Variants in ROBO2 observed in about 807,000 individuals in gnomAD.
ROBO2 encodes roundabout guidance receptor 2.
Under a neutral mutation model 160.8 loss-of-function variants are expected in ROBO2, and 53 were observed. The observed-to-expected ratio is 0.33, with a 90% CI of 0.26 to 0.41. ROBO2 has a LOEUF of 0.41. Among genes scored for constraint, ROBO2 ranks in the 10% least tolerant of loss-of-function variants. The probability of loss-of-function intolerance (pLI) is 1.00; values close to 1 mark genes in which losing one functional copy is unlikely to be tolerated. For synonymous variants in ROBO2, 664 were observed against 611.7 expected, an observed-to-expected ratio of 1.09 and a Z score of -1.26; for missense variants, 1,577 against 1,722.4, an observed-to-expected ratio of 0.92 and a Z score of 1.49.
intron 2 of ROBO2, among the ~76,000 whole-genome samples, chr3:75,944,643 G>T (rs993853754): frequency 6.6e-6 from 1 of 152,058 alleles, no homozygotes; most frequent in Non-Finnish European, 1.5e-5. Flanking sequence ...GTCTGAAAGT[G>T]TTTTCTCAAA....
intron 2 of ROBO2, among the ~76,000 whole-genome samples, chr3:76,713,286 A>G (rs1242407988): frequency 6.6e-6 from 1 of 152,216 alleles, no homozygotes; most frequent in Non-Finnish European, 1.5e-5. Flanking sequence ...GGATAATCAG[A>G]TAAAGTACTT....
chr3:76,329,379 G>A (rs1393818143), intron 2 of ROBO2, among the ~76,000 whole-genome samples: 1 of 152,126 alleles, frequency 6.6e-6, no homozygotes, highest in Non-Finnish European at 1.5e-5. Context: ...CACCACACCC[G>A]GCTAATTTTT....
At chr3:76,454,859 ATTTC>A (rs2077670484) in intron 2 of ROBO2, among the ~76,000 whole-genome samples, 1 of 152,222 alleles carries the variant, frequency 6.6e-6, no homozygotes, top group South Asian at 2.1e-4. Flanking sequence ...GCACATATTT[ATTTC>A]TTTAAGGAAT....
intron 2 of ROBO2, among the ~76,000 whole-genome samples, chr3:77,024,567 A>G (rs2062838780): frequency 6.6e-6 from 1 of 152,100 alleles, no homozygotes; most frequent in African/African-American, 2.4e-5. Context: ...AATGTTAGGG[A>G]TTTGTGGACT....
intron 14 of ROBO2, among the ~76,000 whole-genome samples, chr3:77,575,988 C>T (rs574461630): frequency 1.1e-4 from 16 of 152,048 alleles, no homozygotes; most frequent in Middle Eastern, 3.4e-3. Flanking sequence ...TGATGAGCGG[C>T]GATTTGGGTT....
rs550609063 is a variant in ROBO2, at chr3:76,983,051, C to T, written c.110-114963C>T. ...CTGTAATCACAGCACTTTGGGAGGC[C>T]GAGGCGGGCAGATCACGAGGTCAGG... is the stretch of plus-strand genomic sequence containing the variant. On this transcript the variant is annotated intron_variant, in intron 2 of 26. Transcript: ENST00000487694. Among the ~76,000 whole-genome samples, 7 of 151,854 alleles carry T rather than the reference C, an allele frequency of 4.6e-5. No homozygotes were observed. The South Asian group carries it at 6.3e-4, about 14-fold the overall frequency.
intron 2 of ROBO2, among the ~76,000 whole-genome samples, chr3:77,175,058 TA>T (rs1240232290): frequency 2.0e-5 from 3 of 152,192 alleles, no homozygotes; most frequent in African/African-American, 4.8e-5. Flanking sequence ...TTTCAATTTA[TA>T]ACTCATATTT....
At chr3:76,270,802 A>G (rs1412861854) in intron 2 of ROBO2, among the ~76,000 whole-genome samples, 5 of 152,108 alleles carry the variant, frequency 3.3e-5, no homozygotes, top group African/African-American at 1.2e-4. Context: ...AGAGAATACT[A>G]AATGTAGAGT....
chr3:76,326,245 C>T (rs887545728), intron 2 of ROBO2, among the ~76,000 whole-genome samples: 1 of 152,080 alleles, frequency 6.6e-6, no homozygotes, highest in African/African-American at 2.4e-5. Flanking sequence ...TGTAGACACA[C>T]TGGAAATAAG....
At chr3:77,152,801 C>G (rs542589280) in intron 2 of ROBO2, among the ~76,000 whole-genome samples, 1 of 152,118 alleles carries the variant, frequency 6.6e-6, no homozygotes, top group Non-Finnish European at 1.5e-5. Flanking sequence ...TATAACTCAC[C>G]CTTTTAACAT....
intron 2 of ROBO2, among the ~76,000 whole-genome samples, chr3:76,980,190 C>T (rs1206071337): frequency 6.6e-6 from 1 of 152,150 alleles, no homozygotes; most frequent in African/African-American, 2.4e-5. Flanking sequence ...ATTAAGGCTG[C>T]TGTATATAAT....
intron 2 of ROBO2, among the ~76,000 whole-genome samples, chr3:77,138,710 A>C (rs1228814971): frequency 6.6e-6 from 1 of 152,180 alleles, no homozygotes; most frequent in Non-Finnish European, 1.5e-5. Context: ...TCCTACAACT[A>C]ATAACAGATA....
intron 2 of ROBO2, among the ~76,000 whole-genome samples, chr3:76,847,635 G>A (rs183106121): frequency 4.6e-5 from 7 of 152,166 alleles, no homozygotes; most frequent in Admixed American, 4.6e-4. Flanking sequence ...ACACCCTATC[G>A]CCTTTCCCAC....
intron 2 of ROBO2, among the ~76,000 whole-genome samples, chr3:77,170,827 C>T (rs1448001384): frequency 6.6e-6 from 1 of 151,832 alleles, no homozygotes; most frequent in African/African-American, 2.4e-5. Context: ...CTGTGCTTTC[C>T]CCAAATGAAT....
intron 2 of ROBO2, among the ~76,000 whole-genome samples, chr3:76,580,328 G>GTTTTTTTTTTTTTTTT (rs748888426): frequency 3.6e-4 from 24 of 67,284 alleles, no homozygotes; most frequent in Non-Finnish European, 4.3e-4. Flanking sequence ...TTTTTTTTTT[G>GTTTTTTTTTTTTTTTT]TTTTTTTTTT....
intron 2 of ROBO2, among the ~76,000 whole-genome samples, chr3:75,955,667 CTG>C (rs1289703667): frequency 1.3e-5 from 2 of 151,700 alleles, no homozygotes; most frequent in African/African-American, 4.8e-5. Context: ...CAAAGATACT[CTG>C]TGCACTCAAA....
exon 24 of ROBO2, chr3:77,634,986 G>A (rs2095239407): frequency 1.2e-6 from 2 of 1,614,144 alleles, no homozygotes; most frequent in Non-Finnish European, 1.7e-6. Flanking sequence ...AAAACACAAG[G>A]GAGGGCGGAT....
intron 2 of ROBO2, among the ~76,000 whole-genome samples, chr3:76,379,123 T>C (rs2076495766): frequency 6.6e-6 from 1 of 152,104 alleles, no homozygotes; most frequent in South Asian, 2.1e-4. Flanking sequence ...ATGAAGACAT[T>C]GTTTTAGTAA....
At position 77,480,527 on chromosome 3, in the gene ROBO2, A is replaced by G. The variant is rs572228719; in HGVS notation, c.547-572A>G. The stretch of plus-strand genomic sequence containing the variant: ...TATAAACTGTGTTTGTTTTTATCCA[A>G]CCTGCCATTTTCTCCAAGAATTATC... On this transcript the variant is annotated intron_variant, in intron 3 of 25. Transcript: ENST00000461745. Among the ~76,000 whole-genome samples the G allele has an allele frequency of 8.3e-4, 126 of 152,256 alleles. 1 individual carries two copies. The highest frequency in any genetic ancestry group is 5.6e-3 in the Admixed American group (85 of 15,272).
Sources: allele counts gnomAD v4.1 joint callset (sites outside exome capture counted in the v4.1 genomes callset), GRCh38; gene constraint gnomAD v4.1.1; transcripts MANE v1.5; gene names NCBI Gene and HGNC (gene_info 2026-07-23, HGNC 2026-07-21).